The following GABRG1 variants were observed in gnomAD, a reference collection of about 807,000 sequenced individuals.
GABRG1 encodes the protein gamma-aminobutyric acid type A receptor subunit gamma1.
A neutral mutation model predicts 49.8 loss-of-function variants in GABRG1; 49 were observed. The ratio of observed to expected loss-of-function variants is 0.98; its 90% CI spans 0.78 to 1.25. The LOEUF is 1.25. Among genes scored for constraint, GABRG1 ranks in the 50% most tolerant of loss-of-function variants. The probability of loss-of-function intolerance (pLI) is 0.00; values close to 1 mark genes in which losing one functional copy is unlikely to be tolerated. For missense variants in GABRG1, 552 were observed against 552.3 expected, an observed-to-expected ratio of 1.00 and a Z score of 0.01; for synonymous variants, 232 against 185.1, an observed-to-expected ratio of 1.25 and a Z score of -2.06.
intron 1 of GABRG1, among the ~76,000 whole-genome samples, chr4:46,109,892 T>G (rs1370418800): frequency 6.6e-6 from 1 of 151,054 alleles, no homozygotes; most frequent in Non-Finnish European, 1.5e-5. Context: ...TGGTATGATT[T>G]TGACCTTTTT....
intron 8 of GABRG1, among the ~76,000 whole-genome samples, chr4:46,046,665 TG>T (rs956350618): frequency 1.3e-5 from 2 of 152,026 alleles, no homozygotes; most frequent in African/African-American, 2.4e-5. Context: ...GTGAGGACTG[TG>T]GGGTGAGGCG....
chr4:46,061,017 GATT>G (rs1350240940), intron 5 of GABRG1, among the ~76,000 whole-genome samples: 2 of 152,046 alleles, frequency 1.3e-5, no homozygotes, highest in African/African-American at 4.8e-5. Context: ...AATTAGCTAT[GATT>G]ATTATATGTT....
intron 7 of GABRG1, among the ~76,000 whole-genome samples, chr4:46,052,573 G>T (rs1718270996): frequency 6.6e-6 from 1 of 151,808 alleles, no homozygotes; most frequent in Non-Finnish European, 1.5e-5. Flanking sequence ...ATCAGTCTTT[G>T]TGTGGTTCTT....
chr4:46,112,611 A>G (rs752077818), intron 1 of GABRG1, among the ~76,000 whole-genome samples: 1 of 151,286 alleles, frequency 6.6e-6, no homozygotes, highest in African/African-American at 2.4e-5. Context: ...GGTGGATTGG[A>G]TAAAGAAAAT....
At chr4:46,049,043 T>C (rs1264303670) in intron 8 of GABRG1, among the ~76,000 whole-genome samples, 1 of 151,162 alleles carries the variant, frequency 6.6e-6, no homozygotes, top group Admixed American at 6.6e-5. Flanking sequence ...GCCCTAAACA[T>C]TTTTTTTAAA....
chr4:46,071,677 T>C (rs1463747567), intron 3 of GABRG1, among the ~76,000 whole-genome samples: 6 of 151,430 alleles, frequency 4.0e-5, no homozygotes, highest in Admixed American at 2.0e-4. Flanking sequence ...ATTCTGACCA[T>C]GTAGACTAAT....
chr4:46,099,406 G>A (rs915571365), intron 1 of GABRG1, among the ~76,000 whole-genome samples: 1 of 151,742 alleles, frequency 6.6e-6, no homozygotes, highest in Non-Finnish European at 1.5e-5. Context: ...CTTGGACAGA[G>A]CCACAGCTGA....
chr4:46,067,076 T>C (rs1718946493), intron 3 of GABRG1, among the ~76,000 whole-genome samples: 1 of 151,384 alleles, frequency 6.6e-6, no homozygotes, highest in South Asian at 2.1e-4. Flanking sequence ...ATATAAGAAA[T>C]GGAAGTACAA....
chr4:46,123,782 A>G (rs1286942531), intron 1 of GABRG1, 28 bp downstream of exon 1: 8 of 1,517,306 alleles, frequency 5.3e-6, no homozygotes, highest in Admixed American at 1.7e-5. Flanking sequence ...ATAGCAAAGA[A>G]TAGTTTTAAA....
chr4:46,080,294 C>T (rs1262107459), intron 3 of GABRG1, among the ~76,000 whole-genome samples: 1 of 151,824 alleles, frequency 6.6e-6, no homozygotes, highest in Non-Finnish European at 1.5e-5. Context: ...CTCAAATCTG[C>T]TTCCTTGATT....
chr4:46,076,369 A>G (rs1293583294), intron 3 of GABRG1, among the ~76,000 whole-genome samples: 3 of 125,254 alleles, frequency 2.4e-5, no homozygotes, highest in Non-Finnish European at 5.2e-5. Context: ...GTTCATATAT[A>G]TATATATATA....
At chr4:46,106,157 G>A (rs1163882865) in intron 1 of GABRG1, among the ~76,000 whole-genome samples, 2 of 151,408 alleles carry the variant, frequency 1.3e-5, no homozygotes, top group Admixed American at 6.6e-5. Flanking sequence ...AGACACCTGA[G>A]CCCCAAAAGG....
intron 2 of GABRG1, among the ~76,000 whole-genome samples, chr4:46,089,470 A>C (rs1323996158): frequency 6.6e-6 from 1 of 152,044 alleles, no homozygotes; most frequent in Non-Finnish European, 1.5e-5. Flanking sequence ...AAAGAGATGG[A>C]ATAAAACAAC....
intron 1 of GABRG1, among the ~76,000 whole-genome samples, chr4:46,117,569 T>A (rs1720939050): frequency 7.0e-6 from 1 of 142,304 alleles, no homozygotes; most frequent in Admixed American, 6.9e-5. Context: ...TCTCTCTCTC[T>A]CTCTCTCTCT....
rs1314327872 is a variant in GABRG1, at chr4:46,065,419, T to C, written c.487A>G (p.Thr163Ala). Residue 163 changes from threonine (T) to alanine (A), a missense_variant, in exon 4 of 9, where the codon ACT (threonine) becomes GCT (alanine). Physicochemically the swap from Thr to Ala is moderately conservative, Grantham distance 58 (BLOSUM62 0). Transcript: ENST00000295452. Reference protein sequence around the residue: ...SRKSDAHWITTPNRLLRIWND... With the variant: ...SRKSDAHWITAPNRLLRIWND... ...CAAATTCGAAGCAGACGATTAGGAG[T>C]TGTTATCCAGTGAGCATCAGATTTT... The C allele has an allele frequency of 3.1e-6, 5 of 1,613,278 alleles. No individual in the cohort carries two copies. Among genetic ancestry groups the C allele is most frequent in the African/African-American group, 1.3e-5 (1 of 74,778 alleles).
At chr4:46,082,165 T>C (rs568570123) in intron 3 of GABRG1, among the ~76,000 whole-genome samples, 1 of 151,966 alleles carries the variant, frequency 6.6e-6, no homozygotes, top group South Asian at 2.1e-4. Flanking sequence ...AAAATAATGC[T>C]GGTTGCTCAT....
In GABRG1 at chr4:46,065,548, A is replaced by G; in HGVS notation, c.358T>C (p.Phe120Leu). 11 of 1,602,206 alleles carry G rather than the reference A, an allele frequency of 6.9e-6. No individual in the cohort carries two copies. The highest frequency in any genetic ancestry group is 9.4e-6 in the Non-Finnish European group (11 of 1,169,858). ...TIDIIFAQTW[F>L]DSRLKFNSTM... ...CTATTGAATTTTAAACGACTGTCAA[A>G]CCAGGTTTGGGCAAAAATTATATCT... The change falls in exon 4 of 9, where the codon TTT becomes CTT. Residue 120 changes from phenylalanine to leucine, a missense_variant. Physicochemically the swap from Phe to Leu is conservative, Grantham distance 22. Transcript: ENST00000295452.
chr4:46,083,273 A>G (rs1403801867), intron 3 of GABRG1, among the ~76,000 whole-genome samples: 1 of 151,702 alleles, frequency 6.6e-6, no homozygotes, highest in Non-Finnish European at 1.5e-5. Flanking sequence ...TTGAAGATCT[A>G]TTGTCCAGAC....
intron 8 of GABRG1, among the ~76,000 whole-genome samples, chr4:46,045,291 A>AT (rs1448133784): frequency 6.6e-6 from 1 of 152,092 alleles, no homozygotes; most frequent in Admixed American, 6.6e-5. Context: ...GTTATTGTAA[A>AT]TTTTTAATAA....
Sources: allele counts gnomAD v4.1 joint callset (sites outside exome capture counted in the v4.1 genomes callset), GRCh38; gene constraint gnomAD v4.1.1; transcripts MANE v1.5; gene names NCBI Gene and HGNC (gene_info 2026-07-23, HGNC 2026-07-21).